Variants in METTL16 observed in about 807,000 individuals in gnomAD.
The protein encoded by METTL16 is methyltransferase 16, RNA N6-adenosine.
A neutral mutation model predicts 57.9 loss-of-function variants in METTL16; 19 were observed. The observed-to-expected ratio is 0.33, with a 90% confidence interval of 0.23 to 0.48. The LOEUF is 0.48. METTL16 is among the 20% of genes least tolerant of loss of function. The pLI, the probability that METTL16 is intolerant of heterozygous loss-of-function variation, is 0.99. For missense variants in METTL16, 434 were observed against 691.5 expected (o/e 0.63, Z 4.18); for synonymous variants, 246 against 255.6 (o/e 0.96, Z 0.36).
intron 5 of METTL16, among the ~76,000 whole-genome samples, chr17:2,465,652 C>A (rs1185004541): frequency 6.6e-6 from 1 of 151,170 alleles, no homozygotes. Context: ...CACTTGAGGT[C>A]AGGATTTCGA....
intron 2 of METTL16, among the ~76,000 whole-genome samples, chr17:2,487,363 C>T (rs767926937): frequency 6.6e-6 from 1 of 152,126 alleles, no homozygotes; most frequent in Non-Finnish European, 1.5e-5. Context: ...AGCCCTGGCA[C>T]GGATAACAGC....
At chr17:2,465,661 G>A (rs1041433032) in intron 5 of METTL16, among the ~76,000 whole-genome samples, 4 of 151,254 alleles carry the variant, frequency 2.6e-5, no homozygotes, top group Admixed American at 1.3e-4. Flanking sequence ...TCAGGATTTC[G>A]AGACCAGCCT....
In METTL16 at chr17:2,420,611, A is replaced by G; in HGVS notation, c.1063-15T>C. On this transcript the variant is annotated splice_polypyrimidine_tract_variant and intron_variant, in intron 9 of 9. Coordinates refer to ENST00000263092, the MANE Select transcript of METTL16 (RefSeq NM_024086.4). The surrounding 1 kb of genome is among the most constrained non-coding windows in gnomAD (Gnocchi z 5.4). ...TTATGCTGGACCTGTTTGGAGGAAA[A>G]ACAGAATTTTGTGGGAAATCACGTT... 6.3e-7 allele frequency: 1 copy of G among 1,579,952 alleles called. No homozygotes were observed. The highest frequency in any genetic ancestry group is 8.6e-7 in the Non-Finnish European group (1 of 1,168,252).
rs985121671 is a variant in METTL16 at position 2,492,871 on chromosome 17, C to G, written c.128+9333G>C. ...CAAGAACACGCCACTGCACTCCAGC[C>G]TGGGCAACAGAGCAAGACTCCGTCT... On this transcript the variant is annotated intron_variant, in intron 2 of 9. Transcript: ENST00000263092. Among the ~76,000 whole-genome samples, 7 of 128,218 alleles carry G rather than the reference C, an allele frequency of 5.5e-5. 1 individual carries two copies. Among genetic ancestry groups the G allele is most frequent in the African/African-American group, 2.0e-4 (7 of 34,330 alleles). The allele number at this position is 128,218 out of a possible 152,430, so 84.1% of individuals were successfully genotyped here.
At chr17:2,428,399 T>C (rs1220615484) in intron 8 of METTL16, among the ~76,000 whole-genome samples, 12 of 151,368 alleles carry the variant, frequency 7.9e-5, no homozygotes, top group Non-Finnish European at 1.3e-4. Context: ...GGCGGTTAAC[T>C]GTGCCTCAGT....
chr17:2,497,580 T>C (rs2067455844), intron 2 of METTL16, among the ~76,000 whole-genome samples: 1 of 151,516 alleles, frequency 6.6e-6, no homozygotes, highest in Non-Finnish European at 1.5e-5. Context: ...GTGCTGGGAA[T>C]ATAGGCATGA....
intron 1 of METTL16, among the ~76,000 whole-genome samples, chr17:2,507,855 G>T (rs2067558234): frequency 6.6e-6 from 1 of 152,140 alleles, no homozygotes. Flanking sequence ...TGAAATATGT[G>T]CTGTGTCCAC....
rs180771206 is a variant in METTL16, at chr17:2,432,016, C to T, written c.888+6093G>A. 1.8e-3 allele frequency among the ~76,000 whole-genome samples: 278 copies of T among 152,102 alleles called. 3 individuals are homozygous for T. The highest frequency in any genetic ancestry group is 6.3e-3 in the African/African-American group (263 of 41,478). The stretch of plus-strand genomic sequence containing the variant: ...CTGGAGTGCAGTGGCACGATCCTGG[C>T]TCACTGCACACTCTGTCTCCCAGGT... On this transcript the variant is annotated intron_variant, in intron 8 of 9. Coordinates refer to ENST00000263092, the MANE Select transcript of METTL16 (RefSeq NM_024086.4).
At chr17:2,421,256 G>C (rs1463353218) in intron 8 of METTL16, among the ~76,000 whole-genome samples, 1 of 152,192 alleles carries the variant, frequency 6.6e-6, no homozygotes. Context: ...TCTGAAAGCA[G>C]AGGAGGGAGG....
chr17:2,474,386 G>GAAAAAAAA (rs752477163), intron 3 of METTL16, among the ~76,000 whole-genome samples: 105 of 60,254 alleles, frequency 1.7e-3, no homozygotes, highest in African/African-American at 3.4e-3. Context: ...GAAACAAAAA[G>GAAAAAAAA]AAAAAAAAAA....
intron 2 of METTL16, among the ~76,000 whole-genome samples, chr17:2,499,171 G>A (rs1182400171): frequency 6.6e-6 from 1 of 151,450 alleles, no homozygotes; most frequent in Non-Finnish European, 1.5e-5. Context: ...TTCCCCACTA[G>A]TGTATAAACT....
intron 8 of METTL16, among the ~76,000 whole-genome samples, chr17:2,436,416 C>G (rs1486250131): frequency 6.6e-6 from 1 of 152,186 alleles, no homozygotes; most frequent in East Asian, 1.9e-4. Context: ...AGGACAGGCT[C>G]AACCTCGGAT....
intron 2 of METTL16, among the ~76,000 whole-genome samples, chr17:2,481,254 TAC>T (rs1307745557): frequency 6.6e-6 from 1 of 151,484 alleles, no homozygotes; most frequent in East Asian, 1.9e-4. Context: ...CCAGGATATT[TAC>T]ACAGTCACAA....
chr17:2,454,228 G>T (rs541659620), intron 6 of METTL16, among the ~76,000 whole-genome samples: 2 of 152,216 alleles, frequency 1.3e-5, no homozygotes, highest in East Asian at 3.9e-4. Context: ...CCTCACTGGG[G>T]AACGGTTATT....
At chr17:2,427,015 C>T (rs994668046) in intron 8 of METTL16, among the ~76,000 whole-genome samples, 5 of 150,686 alleles carry the variant, frequency 3.3e-5, no homozygotes, top group African/African-American at 1.2e-4. Flanking sequence ...TGGAGGCATA[C>T]ACCTGTAATC....
intron 6 of METTL16, among the ~76,000 whole-genome samples, chr17:2,447,717 C>G (rs2067017156): frequency 7.0e-6 from 1 of 142,822 alleles, no homozygotes; most frequent in Non-Finnish European, 1.5e-5. Flanking sequence ...GGGGGTCAGC[C>G]CCCCGCCCGG....
chr17:2,501,922 A>G (rs544653261), intron 2 of METTL16, among the ~76,000 whole-genome samples: 52 of 152,274 alleles, frequency 3.4e-4, no homozygotes, highest in African/African-American at 1.2e-3. Flanking sequence ...AAAGAGCACA[A>G]TCGTAAATCT....
At chr17:2,482,687 G>A (rs962614138) in intron 2 of METTL16, among the ~76,000 whole-genome samples, 1 of 152,170 alleles carries the variant, frequency 6.6e-6, no homozygotes, top group African/African-American at 2.4e-5. Context: ...TGGGCGGACT[G>A]CTTGAGCTCA....
intron 2 of METTL16, among the ~76,000 whole-genome samples, chr17:2,496,904 T>C (rs1436426252): frequency 1.3e-5 from 2 of 151,768 alleles, no homozygotes; most frequent in African/African-American, 2.4e-5. Context: ...GCCTTGCTCT[T>C]GGACTTCCCA....
Sources: gnomAD v4.1 joint callset for allele counts (sites outside exome capture counted in the v4.1 genomes callset) on GRCh38, gnomAD v4.1.1 for gene constraint, Gnocchi (gnomAD v3.1) non-coding constraint, MANE v1.5 for transcripts, NCBI Gene and HGNC (gene_info 2026-07-23, HGNC 2026-07-21) for gene names.